PLSCR4: variants seen among roughly 807,000 people sequenced by gnomAD.
PLSCR4 encodes the protein Ca(2+)-dependent phospholipid scramblase 4.
In PLSCR4, 25 loss-of-function variants were observed where a neutral mutation model predicts 36.3. That is an observed-to-expected ratio of 0.69 (90% CI 0.50 to 0.96). PLSCR4 has a LOEUF of 0.96. Among genes scored for constraint, PLSCR4 ranks in the 40% least tolerant of loss-of-function variants. The pLI is 0.00. For synonymous variants in PLSCR4, 122 were observed against 132.9 expected (o/e 0.92, Z 0.56); for missense variants, 408 against 414.7 (o/e 0.98, Z 0.14).
chr3:146,208,662 A>G (rs923246146), intron 3 of PLSCR4, among the ~76,000 whole-genome samples: 1 of 152,188 alleles, frequency 6.6e-6, no homozygotes, highest in African/African-American at 2.4e-5. Context: ...GTATGAAAAA[A>G]TACTCAGCAT....
At chr3:146,197,475 T>C (rs2033811195) in intron 6 of PLSCR4, among the ~76,000 whole-genome samples, 1 of 152,064 alleles carries the variant, frequency 6.6e-6, no homozygotes, top group Admixed American at 6.6e-5. Flanking sequence ...AGATTTGAAA[T>C]TGGGTAAAAT....
At chr3:146,225,788 G>C (rs544968690) in intron 1 of PLSCR4, among the ~76,000 whole-genome samples, 1 of 152,170 alleles carries the variant, frequency 6.6e-6, no homozygotes, top group African/African-American at 2.4e-5. Context: ...CGCCGCACGC[G>C]GTTGCCGCTG....
At chr3:146,200,814 G>A (rs2034009004) in intron 5 of PLSCR4, among the ~76,000 whole-genome samples, 1 of 151,920 alleles carries the variant, frequency 6.6e-6, no homozygotes. Context: ...TAAAATGTAA[G>A]CCCTTTTCAA....
chr3:146,202,245 T>G (rs910096620), intron 4 of PLSCR4, among the ~76,000 whole-genome samples: 1 of 151,898 alleles, frequency 6.6e-6, no homozygotes, highest in Non-Finnish European at 1.5e-5. Context: ...AATCTAGAAG[T>G]GAAAAGTAAA....
chr3:146,214,503 A>G (rs2034799247), intron 3 of PLSCR4, among the ~76,000 whole-genome samples: 1 of 151,574 alleles, frequency 6.6e-6, no homozygotes, highest in South Asian at 2.1e-4. Context: ...GTTTTGGCAT[A>G]CTGTGTTTCG....
At chr3:146,237,050 GAAAA>G (rs369834242) in intron 1 of PLSCR4, among the ~76,000 whole-genome samples, 1 of 150,538 alleles carries the variant, frequency 6.6e-6, no homozygotes, top group Non-Finnish European at 1.5e-5. Flanking sequence ...AAAAAGAAAA[GAAAA>G]AAAAGAGAGA....
intron 1 of PLSCR4, among the ~76,000 whole-genome samples, chr3:146,232,756 T>A (rs1255592730): frequency 6.6e-6 from 1 of 152,182 alleles, no homozygotes; most frequent in East Asian, 1.9e-4. Flanking sequence ...ACCATGGCAG[T>A]TTCTAGGTAC....
At chr3:146,245,661 T>C (rs1039103712) in intron 1 of PLSCR4, among the ~76,000 whole-genome samples, 3 of 152,098 alleles carry the variant, frequency 2.0e-5, no homozygotes, top group African/African-American at 7.2e-5. Context: ...ATAATTATAA[T>C]GATAGCAATG....
chr3:146,227,324 A>T (rs2035519444), intron 1 of PLSCR4, among the ~76,000 whole-genome samples: 1 of 152,154 alleles, frequency 6.6e-6, no homozygotes, highest in Admixed American at 6.5e-5. Flanking sequence ...TGTAATTAAG[A>T]GAGAAAGGAG....
At chr3:146,245,319 A>G (rs2107863712) in intron 1 of PLSCR4, among the ~76,000 whole-genome samples, 1 of 152,218 alleles carries the variant, frequency 6.6e-6, no homozygotes, top group East Asian at 1.9e-4. Context: ...GAATCATAAT[A>G]CATTCAATCA....
At chr3:146,199,244 T>C (rs1328710622) in intron 6 of PLSCR4, among the ~76,000 whole-genome samples, 2 of 152,262 alleles carry the variant, frequency 1.3e-5, no homozygotes, top group Non-Finnish European at 1.5e-5. Context: ...CCAAAACCGC[T>C]TCTCTTTTCC....
At chr3:146,249,026 C>T (rs76804838) in intron 1 of PLSCR4, among the ~76,000 whole-genome samples, 1,524 of 152,136 alleles carry the variant, frequency 0.01, 17 homozygotes, top group African/African-American at 0.035. Context: ...TGAGTTGACT[C>T]TTTTTATCCT....
At chr3:146,199,752 A>C in intron 6 of PLSCR4, 61 bp downstream of exon 6, 3 of 1,306,834 alleles carry the variant, frequency 2.3e-6, no homozygotes, top group Non-Finnish European at 3.3e-6. Context: ...TGGAAGGAGC[A>C]CACTATGCCA....
At chr3:146,220,689 C>A (rs868040698) in intron 3 of PLSCR4, 126 bp downstream of exon 3, 7 of 667,176 alleles carry the variant, frequency 1.0e-5, no homozygotes, top group Middle Eastern at 6.8e-4. Flanking sequence ...TATGTGGCAC[C>A]CTATTGGCAT....
At chr3:146,248,681 T>C (rs2036438728) in intron 1 of PLSCR4, among the ~76,000 whole-genome samples, 1 of 152,202 alleles carries the variant, frequency 6.6e-6, no homozygotes, top group South Asian at 2.1e-4. Context: ...ATCCATGTTT[T>C]CTACATTGTA....
chr3:146,233,954 G>A (rs922211586), intron 1 of PLSCR4, among the ~76,000 whole-genome samples: 26 of 106,898 alleles, frequency 2.4e-4, no homozygotes, highest in South Asian at 3.8e-4. Context: ...AATTCCACTC[G>A]GTAAGGGTTT....
intron 1 of PLSCR4, among the ~76,000 whole-genome samples, chr3:146,243,309 T>C (rs748791617): frequency 8.5e-5 from 13 of 152,078 alleles, no homozygotes; most frequent in South Asian, 2.1e-4. Flanking sequence ...TATATACATC[T>C]CTTTCTTATC....
intron 8 of PLSCR4, 59 bp from the exon 9 acceptor site, chr3:146,194,514 G>A (rs1001423381): frequency 2.0e-6 from 2 of 981,120 alleles, no homozygotes; most frequent in South Asian, 1.4e-5. Flanking sequence ...AATGCATGCG[G>A]TATTATCCTT....
chr3:146,222,758 T>C (rs578230713), intron 1 of PLSCR4, among the ~76,000 whole-genome samples: 11 of 152,228 alleles, frequency 7.2e-5, no homozygotes, highest in African/African-American at 2.4e-4. Flanking sequence ...GAGGATTCAG[T>C]CGGTGGAGTG....
Sources: gnomAD v4.1 joint callset for allele counts (sites outside exome capture counted in the v4.1 genomes callset) on GRCh38, gnomAD v4.1.1 for gene constraint, MANE v1.5 for transcripts, NCBI Gene and HGNC (gene_info 2026-07-23, HGNC 2026-07-21) for gene names.